GABRB3: variants seen among roughly 807,000 people sequenced by gnomAD.
GABRB3 encodes gamma-aminobutyric acid type A receptor subunit beta3.
GABRB3 carries 14 observed loss-of-function variants against 52.1 expected under a neutral mutation model. That is an observed-to-expected ratio of 0.27 (90% CI 0.18 to 0.42). The LOEUF (loss-of-function observed/expected upper bound fraction) is 0.42. GABRB3 is among the 10% of genes least tolerant of loss of function. The probability of loss-of-function intolerance (pLI) is 1.00; values close to 1 mark genes in which losing one functional copy is unlikely to be tolerated. For synonymous variants in GABRB3, 260 were observed against 232.3 expected (o/e 1.12, Z -1.08); for missense variants, 307 against 609.1 (o/e 0.50, Z 5.22).
intron 4 of GABRB3, among the ~76,000 whole-genome samples, chr15:26,618,439 G>T (rs1344182745): frequency 6.6e-6 from 1 of 152,034 alleles, no homozygotes; most frequent in Non-Finnish European, 1.5e-5. Flanking sequence ...TTCATAAATG[G>T]TGCTGGGAAA....
chr15:26,543,857 G>A lies in GABRB3; in HGVS notation c.*3936C>T, dbSNP rs1889122125. On this transcript the variant is annotated 3_prime_UTR_variant, in exon 9 of 9. Transcript: ENST00000311550. ...ATGTTCATGGGGTTGGTCCTAGGGA[G>A]AGGCATACGGGAGCCACTCTCTGGA... 6.6e-6 allele frequency: 1 copy of A among 152,582 alleles called. No homozygotes were observed. Among genetic ancestry groups the A allele is most frequent in the Non-Finnish European group, 1.5e-5 (1 of 68,034 alleles). 9.5% of individuals were successfully genotyped at this position (152,582 alleles called of 1,614,324 possible).
chr15:26,713,869 A>G (rs1299008468), intron 3 of GABRB3, among the ~76,000 whole-genome samples: 1 of 152,172 alleles, frequency 6.6e-6, no homozygotes, highest in East Asian at 1.9e-4. Context: ...GAGACCCAAG[A>G]AGGAAGCAAA....
intron 3 of GABRB3, among the ~76,000 whole-genome samples, chr15:26,763,647 TA>T (rs1254498051): frequency 3.6e-5 from 3 of 84,396 alleles, no homozygotes; most frequent in Non-Finnish European, 7.7e-5. Context: ...CACCATGGAA[TA>T]ATGGATGACC....
intron 8 of GABRB3, among the ~76,000 whole-genome samples, chr15:26,554,664 G>A (rs1176069604): frequency 1.3e-5 from 2 of 152,176 alleles, no homozygotes; most frequent in South Asian, 2.1e-4. Context: ...ACAAGAGCAC[G>A]TGTACCACGT....
intron 2 of GABRB3, 21 bp downstream of exon 2, chr15:26,772,660 G>T (rs1049623142): frequency 1.9e-6 from 3 of 1,545,960 alleles, no homozygotes; most frequent in African/African-American, 2.9e-5. Context: ...TTCCCGCAAC[G>T]GCCGCGCGCA....
intron 3 of GABRB3, among the ~76,000 whole-genome samples, chr15:26,710,948 TCTC>T (rs1397874857): frequency 6.6e-6 from 1 of 152,110 alleles, no homozygotes. Context: ...GTTTTTGACT[TCTC>T]CTGGGAGACT....
At chr15:26,639,470 T>C (rs1893144036) in intron 3 of GABRB3, among the ~76,000 whole-genome samples, 2 of 152,056 alleles carry the variant, frequency 1.3e-5, no homozygotes, top group Non-Finnish European at 2.9e-5. Context: ...ATTATGAGAA[T>C]AGAGATGATT....
At chr15:26,701,441 T>C (rs1419732990) in intron 3 of GABRB3, among the ~76,000 whole-genome samples, 1 of 152,238 alleles carries the variant, frequency 6.6e-6, no homozygotes, top group Non-Finnish European at 1.5e-5. Flanking sequence ...TATTTCTGTA[T>C]ACTAGCAATA....
intron 3 of GABRB3, among the ~76,000 whole-genome samples, chr15:26,668,003 G>T (rs1267128534): frequency 6.6e-6 from 1 of 152,150 alleles, no homozygotes; most frequent in African/African-American, 2.4e-5. Context: ...TCCAGAAATA[G>T]GAAACAAGAT....
intron 8 of GABRB3, among the ~76,000 whole-genome samples, chr15:26,551,915 A>G (rs891631044): frequency 6.6e-6 from 1 of 151,776 alleles, no homozygotes; most frequent in Non-Finnish European, 1.5e-5. Context: ...TGAGGAGGGC[A>G]TTTTCTTATA....
At chr15:26,648,866 G>A (rs967769996) in intron 3 of GABRB3, among the ~76,000 whole-genome samples, 3 of 152,138 alleles carry the variant, frequency 2.0e-5, no homozygotes, top group Non-Finnish European at 1.5e-5. Context: ...ACAGAAGGGG[G>A]TGCCTTCAGA....
chr15:26,747,296 AAAACTATAGATTGATTTG>A (rs1326056324), intron 3 of GABRB3, among the ~76,000 whole-genome samples: 2 of 152,216 alleles, frequency 1.3e-5, no homozygotes, highest in African/African-American at 4.8e-5. Context: ...GGGACTGCAT[AAAACTATAGATTGATTTG>A]TGGAGAATTG....
chr15:26,752,068 A>G (rs983168676), intron 3 of GABRB3, among the ~76,000 whole-genome samples: 7 of 152,106 alleles, frequency 4.6e-5, no homozygotes, highest in African/African-American at 1.7e-4. Flanking sequence ...TTATTTAACT[A>G]GCACACCAAG....
chr15:26,609,089 CACACACACACACAT>C (rs1289417306), intron 4 of GABRB3, among the ~76,000 whole-genome samples: 2,311 of 75,752 alleles, frequency 0.031, 53 homozygotes, highest in African/African-American at 0.1. Flanking sequence ...ATGATACACA[CACACACACACACAT>C]ACACACACAC....
At chr15:26,598,771 G>T (rs1453259465) in intron 4 of GABRB3, among the ~76,000 whole-genome samples, 3 of 152,154 alleles carry the variant, frequency 2.0e-5, no homozygotes, top group Admixed American at 2.0e-4. Flanking sequence ...ATTGCCCAGG[G>T]TTAGATAGAA....
chr15:26,746,588 T>G (rs572999812), intron 3 of GABRB3, among the ~76,000 whole-genome samples: 2 of 152,024 alleles, frequency 1.3e-5, no homozygotes, highest in East Asian at 3.9e-4. Flanking sequence ...TTTTGTTTTT[T>G]TTTTTTTTTG....
intron 3 of GABRB3, among the ~76,000 whole-genome samples, chr15:26,650,681 C>T (rs1055592928): frequency 6.6e-6 from 1 of 151,990 alleles, no homozygotes; most frequent in Non-Finnish European, 1.5e-5. Context: ...TTACATGTGC[C>T]TACCCTTTCC....
Position 26,546,114 on chromosome 15 carries a change from G to A in GABRB3, c.*1679C>T, listed in dbSNP as rs889957564. On this transcript the variant is annotated 3_prime_UTR_variant, in exon 9 of 9. Coordinates refer to ENST00000311550, the MANE Select transcript of GABRB3 (RefSeq NM_000814.6). ...GCACTCTGGTCCTTGGTTTTGGATA[G>A]AACAGAGAGGGTGAGGCATACGTGG... is the stretch of plus-strand genomic sequence containing the variant. 9 of 152,552 alleles carry A rather than the reference G, an allele frequency of 5.9e-5. No homozygotes were observed. The highest frequency in any genetic ancestry group is 2.2e-4 in the African/African-American group (9 of 41,426). The allele number at this position is 152,552 out of a possible 1,614,324, so 9.4% of individuals were successfully genotyped here. A position where few individuals can be genotyped will look rare whatever the true frequency, so the allele number is the denominator to read the frequency against.
At position 26,711,427 on chromosome 15, in the gene GABRB3, G is replaced by A. The variant is rs141784665; in HGVS notation, c.240+60975C>T. Among the ~76,000 whole-genome samples, 14 of 151,364 alleles carry A rather than the reference G, an allele frequency of 9.2e-5. No individual in the cohort carries two copies. In the South Asian group the frequency reaches 2.3e-3, roughly 25 times the overall value. ...TGTGGATCTCACATATTACAGCTTC[G>A]TGACGGATGTGGCATATTCTAAATC... On this transcript the variant is annotated intron_variant, in intron 3 of 8. Coordinates refer to ENST00000311550, the MANE Select transcript of GABRB3 (RefSeq NM_000814.6).
Sources: allele counts gnomAD v4.1 joint callset (sites outside exome capture counted in the v4.1 genomes callset), GRCh38; gene constraint gnomAD v4.1.1; transcripts MANE v1.5; gene names NCBI Gene and HGNC (gene_info 2026-07-23, HGNC 2026-07-21).